CSMD1: variants seen among roughly 807,000 people sequenced by gnomAD.
The protein encoded by CSMD1 is CUB and Sushi multiple domains 1.
A neutral mutation model predicts 417.5 loss-of-function variants in CSMD1; 213 were observed. That is an observed-to-expected ratio of 0.51 (90% CI 0.46 to 0.57). The LOEUF is 0.57. Among genes scored for constraint, CSMD1 ranks in the 20% least tolerant of loss-of-function variants. The pLI is 0.00. For missense variants in CSMD1, 6,923 were observed against 4,529.7 expected (o/e 1.53, Z -15.17); for synonymous variants, 2,862 against 1,736.8 (o/e 1.65, Z -16.11).
chr8:3,825,753 C>T (rs1319940767), intron 5 of CSMD1, among the ~76,000 whole-genome samples: 3 of 152,070 alleles, frequency 2.0e-5, no homozygotes, highest in Non-Finnish European at 2.9e-5. Context: ...CGATTGGGGC[C>T]ACATGAACTG....
At chr8:4,582,180 C>G (rs2447699) in intron 2 of CSMD1, among the ~76,000 whole-genome samples, 97,226 of 151,626 alleles carry the variant, frequency 0.64, 32,553 homozygotes, top group African/African-American at 0.86. Context: ...AATTGACAGA[C>G]ATGAGGTTTG....
chr8:4,155,519 T>C (rs1257121527), intron 3 of CSMD1, among the ~76,000 whole-genome samples: 2 of 152,182 alleles, frequency 1.3e-5, no homozygotes, highest in Non-Finnish European at 2.9e-5. Context: ...ACGCCAAACT[T>C]AAATGGTTAA....
chr8:3,824,693 T>A (rs562904277), intron 5 of CSMD1, among the ~76,000 whole-genome samples: 18 of 152,340 alleles, frequency 1.2e-4, no homozygotes, highest in African/African-American at 4.3e-4. Flanking sequence ...AATATTAATT[T>A]TACCTGTATC....
intron 41 of CSMD1, among the ~76,000 whole-genome samples, chr8:3,121,738 G>T (rs1817219493): frequency 1.3e-5 from 2 of 152,236 alleles, no homozygotes; most frequent in South Asian, 4.2e-4. Context: ...GTCGAATGCT[G>T]CAGTGAGCTA....
intron 3 of CSMD1, among the ~76,000 whole-genome samples, chr8:4,154,218 G>C (rs765419668): frequency 2.0e-5 from 3 of 152,070 alleles, no homozygotes; most frequent in Admixed American, 6.6e-5. Flanking sequence ...ATAATATCAA[G>C]GTTAGTGTAA....
intron 3 of CSMD1, among the ~76,000 whole-genome samples, chr8:4,402,072 C>T (rs1804682625): frequency 6.6e-6 from 1 of 152,084 alleles, no homozygotes; most frequent in Non-Finnish European, 1.5e-5. Flanking sequence ...AACCCCATGG[C>T]TTCCTTTGTT....
At position 3,586,272 on chromosome 8, in the gene CSMD1, A is replaced by C; in HGVS notation, c.1098-12T>G. On this transcript the variant is annotated splice_polypyrimidine_tract_variant and intron_variant, in intron 8 of 69. Transcript: ENST00000635120. ...CATTTGCACCAACCCTAAGCCGTTA[A>C]AAAAGAAAAAAAAAAACCCAAATTA... 1 of 1,503,566 alleles carries C rather than the reference A, an allele frequency of 6.7e-7. No homozygotes were observed. The highest frequency in any genetic ancestry group is 8.8e-7 in the Non-Finnish European group (1 of 1,132,904). 93.1% of individuals were successfully genotyped at this position (1,503,566 alleles called of 1,614,324 possible). A position where few individuals can be genotyped will look rare whatever the true frequency, so the allele number is the denominator to read the frequency against.
At chr8:3,775,343 T>C (rs1267247619) in intron 5 of CSMD1, among the ~76,000 whole-genome samples, 1 of 152,160 alleles carries the variant, frequency 6.6e-6, no homozygotes, top group Non-Finnish European at 1.5e-5. Flanking sequence ...TCCTACGCCT[T>C]CACCTCTGAA....
intron 5 of CSMD1, among the ~76,000 whole-genome samples, chr8:3,809,171 T>C (rs1157484617): frequency 6.6e-6 from 1 of 152,084 alleles, no homozygotes; most frequent in African/African-American, 2.4e-5. Flanking sequence ...CAGACCTCAT[T>C]CTTACTGTCC....
intron 5 of CSMD1, among the ~76,000 whole-genome samples, chr8:3,756,414 C>G (rs1181866222): frequency 1.3e-5 from 2 of 151,460 alleles, no homozygotes; most frequent in African/African-American, 4.8e-5. Flanking sequence ...TTTTTATACA[C>G]ACAAATATCA....
intron 5 of CSMD1, among the ~76,000 whole-genome samples, chr8:3,770,990 T>TTCTCTC (rs147124793): frequency 6.9e-6 from 1 of 145,418 alleles, no homozygotes; most frequent in Admixed American, 7.1e-5. Context: ...TTTGGACAGT[T>TTCTCTC]TCTCTCTCTC....
intron 2 of CSMD1, among the ~76,000 whole-genome samples, chr8:4,479,506 A>T (rs1275406076): frequency 6.6e-6 from 1 of 152,232 alleles, no homozygotes; most frequent in East Asian, 1.9e-4. Context: ...CAGTAGTTTC[A>T]TAAATACCTT....
chr8:3,751,036 A>T (rs1349992370), intron 6 of CSMD1, among the ~76,000 whole-genome samples: 1 of 152,040 alleles, frequency 6.6e-6, no homozygotes, highest in Non-Finnish European at 1.5e-5. Flanking sequence ...TCTAGTACTG[A>T]ACCTAACCTT....
At chr8:3,076,397 C>T (rs377333502) in intron 49 of CSMD1, among the ~76,000 whole-genome samples, 2 of 152,208 alleles carry the variant, frequency 1.3e-5, no homozygotes, top group Non-Finnish European at 2.9e-5. Context: ...AAGAAAGACC[C>T]TGTCTCCAAA....
chr8:3,211,545 A>G (rs1335351263), intron 30 of CSMD1, among the ~76,000 whole-genome samples: 1 of 152,216 alleles, frequency 6.6e-6, no homozygotes, highest in Non-Finnish European at 1.5e-5. Context: ...CCAGTTACAT[A>G]CAGAATTAAG....
intron 50 of CSMD1, among the ~76,000 whole-genome samples, chr8:3,039,122 T>G (rs965124543): frequency 2.0e-5 from 3 of 152,150 alleles, no homozygotes; most frequent in African/African-American, 7.2e-5. Flanking sequence ...GCCATTGCTG[T>G]AAACACCGTG....
Position 4,697,968 on chromosome 8 carries a change from T to C in CSMD1, c.86-60410A>G, listed in dbSNP as rs551481396. On this transcript the variant is annotated intron_variant, in intron 1 of 69. Coordinates refer to ENST00000635120, the MANE Select transcript of CSMD1 (RefSeq NM_033225.6). The stretch of plus-strand genomic sequence containing the variant: ...GTCAAGACAAATAGTGATGCTTAAA[T>C]GTAAGTATTCATTACCATCTAGATC... 2.6e-5 allele frequency among the ~76,000 whole-genome samples: 4 copies of C among 152,302 alleles called. No homozygotes were observed. In the South Asian group the frequency reaches 8.3e-4, roughly 32 times the overall value.
chr8:3,599,589 T>C (rs1009448758), intron 8 of CSMD1, among the ~76,000 whole-genome samples: 1 of 152,178 alleles, frequency 6.6e-6, no homozygotes, highest in African/African-American at 2.4e-5. Context: ...TTAATCACAA[T>C]ACAGCATTGT....
intron 7 of CSMD1, among the ~76,000 whole-genome samples, chr8:3,667,907 G>C (rs1288644059): frequency 1.3e-5 from 2 of 152,228 alleles, no homozygotes; most frequent in African/African-American, 2.4e-5. Flanking sequence ...CAAAGACTCT[G>C]TATGTTGCGG....
Sources: allele counts gnomAD v4.1 joint callset (sites outside exome capture counted in the v4.1 genomes callset), GRCh38; gene constraint gnomAD v4.1.1; transcripts MANE v1.5; gene names NCBI Gene and HGNC (gene_info 2026-07-23, HGNC 2026-07-21).